TDRD5: variants seen among roughly 807,000 people sequenced by gnomAD.
The protein encoded by TDRD5 is tudor domain-containing protein 5.
TDRD5 carries 41 observed loss-of-function variants against 120.6 expected under a neutral mutation model. The ratio of observed to expected loss-of-function variants is 0.34; its 90% CI spans 0.26 to 0.44. TDRD5 has a LOEUF of 0.44. Ranked by LOEUF, TDRD5 falls within the 20% of genes least tolerant of loss-of-function variation. The pLI is 1.00. For missense variants in TDRD5, 1,006 were observed against 1,221.2 expected, an observed-to-expected ratio of 0.82 and a Z score of 2.63; for synonymous variants, 430 against 433.7, an observed-to-expected ratio of 0.99 and a Z score of 0.11.
chr1:179,656,391 T>C (rs1346713013), intron 14 of TDRD5, among the ~76,000 whole-genome samples: 2 of 152,250 alleles, frequency 1.3e-5, no homozygotes, highest in African/African-American at 4.8e-5. Context: ...TGTCTTTTCA[T>C]TCTCTTGATA....
intron 4 of TDRD5, among the ~76,000 whole-genome samples, chr1:179,610,801 C>T (rs767186556): frequency 1.6e-4 from 24 of 152,032 alleles, no homozygotes; most frequent in Non-Finnish European, 3.2e-4. Context: ...AGTCTCCTTT[C>T]AGACTTTTTT....
chr1:179,643,936 C>T (rs1678194891), intron 11 of TDRD5, among the ~76,000 whole-genome samples: 1 of 152,014 alleles, frequency 6.6e-6, no homozygotes, highest in Non-Finnish European at 1.5e-5. Flanking sequence ...GGAGAAAATC[C>T]TGAAAGCAGC....
rs114210371 is a variant in TDRD5 at position 179,627,041 on chromosome 1, T to A, written c.973-3726T>A. ...ATTTAAAGAAAAACAGCAAGTGACT[T>A]ATAAAGGAAACAAAAGTTAAATTAT... On this transcript the variant is annotated intron_variant, in intron 6 of 17. Transcript: ENST00000444136. Among the ~76,000 whole-genome samples the A allele has an allele frequency of 2.2e-3, 335 of 152,296 alleles. 6 individuals carry two copies. Among genetic ancestry groups the A allele is most frequent in the African/African-American group, 7.6e-3 (317 of 41,568 alleles).
At chr1:179,658,610 G>T (rs1211313804) in intron 14 of TDRD5, among the ~76,000 whole-genome samples, 5 of 152,086 alleles carry the variant, frequency 3.3e-5, no homozygotes, top group Admixed American at 1.3e-4. Context: ...TTTGTTATCT[G>T]CAGGGTCTGC....
chr1:179,651,122 A>G (rs1453936312), intron 12 of TDRD5, 55 bp downstream of exon 12: 21 of 1,562,290 alleles, frequency 1.3e-5, no homozygotes, highest in Middle Eastern at 1.7e-4. Context: ...CACCACGTCA[A>G]GGTATAAGAT....
intron 17 of TDRD5, among the ~76,000 whole-genome samples, chr1:179,681,981 TAA>T (rs1045901860): frequency 6.4e-4 from 2 of 3,116 alleles, no homozygotes; most frequent in African/African-American, 1.4e-3. Flanking sequence ...GACTCTGTCT[TAA>T]AAAAAAAAAA....
chr1:179,625,163 C>T (rs985739215), intron 6 of TDRD5, among the ~76,000 whole-genome samples: 2 of 150,518 alleles, frequency 1.3e-5, no homozygotes, highest in Admixed American at 6.6e-5. Context: ...AACCCCAACC[C>T]GACACCATGT....
intron 16 of TDRD5, among the ~76,000 whole-genome samples, chr1:179,666,309 C>G (rs1572419668): frequency 6.6e-6 from 1 of 152,266 alleles, no homozygotes; most frequent in South Asian, 2.1e-4. Flanking sequence ...GCTTTAAACT[C>G]CTGCAGAGTA....
chr1:179,627,006 T>A (rs1677165591), intron 6 of TDRD5, among the ~76,000 whole-genome samples: 1 of 152,052 alleles, frequency 6.6e-6, no homozygotes, highest in Non-Finnish European at 1.5e-5. Context: ...AGAAAAAAAT[T>A]TTTCTGGGCA....
chr1:179,598,674 GT>G (rs34491944), intron 4 of TDRD5, among the ~76,000 whole-genome samples: 20,988 of 143,582 alleles, frequency 0.15, 1,802 homozygotes, highest in Non-Finnish European at 0.21. Flanking sequence ...AAATCAATTG[GT>G]TTTTTTTTTT....
chr1:179,681,367 A>C (rs890353078), intron 17 of TDRD5, among the ~76,000 whole-genome samples: 3 of 152,174 alleles, frequency 2.0e-5, no homozygotes, highest in African/African-American at 7.2e-5. Context: ...CCTTTTAGCT[A>C]TTGTCGTTTT....
chr1:179,680,491 C>T (rs772670712), intron 17 of TDRD5, among the ~76,000 whole-genome samples: 2 of 152,166 alleles, frequency 1.3e-5, no homozygotes, highest in Non-Finnish European at 2.9e-5. Context: ...GTTATGCTCT[C>T]TGGATGAATC....
At chr1:179,654,868 A>C (rs1236846984) in intron 14 of TDRD5, among the ~76,000 whole-genome samples, 1 of 152,220 alleles carries the variant, frequency 6.6e-6, no homozygotes, top group African/African-American at 2.4e-5. Context: ...TCTGGCTTTG[A>C]TGTGTTAGTT....
intron 11 of TDRD5, among the ~76,000 whole-genome samples, chr1:179,641,192 T>C (rs1678025243): frequency 1.3e-5 from 2 of 152,206 alleles, no homozygotes; most frequent in African/African-American, 2.4e-5. Flanking sequence ...AACTTATCAG[T>C]TGCTCACATA....
chr1:179,646,775 T>C (rs2102046761), intron 11 of TDRD5, among the ~76,000 whole-genome samples: 1 of 152,204 alleles, frequency 6.6e-6, no homozygotes, highest in East Asian at 1.9e-4. Flanking sequence ...ACAAAATCAA[T>C]GTACAAAAAT....
chr1:179,611,252 A>C (rs1324430915), intron 4 of TDRD5, among the ~76,000 whole-genome samples: 1 of 151,920 alleles, frequency 6.6e-6, no homozygotes, highest in Non-Finnish European at 1.5e-5. Flanking sequence ...GGGTTTCATC[A>C]TGTTGGCCAG....
At chr1:179,619,214 T>C (rs980165845) in intron 5 of TDRD5, among the ~76,000 whole-genome samples, 2 of 152,196 alleles carry the variant, frequency 1.3e-5, no homozygotes, top group Non-Finnish European at 2.9e-5. Flanking sequence ...TTGAACAGAT[T>C]TATACTCCCA....
At chr1:179,651,284 A>G (rs1268329003) in intron 12 of TDRD5, among the ~76,000 whole-genome samples, 1 of 152,156 alleles carries the variant, frequency 6.6e-6, no homozygotes, top group Non-Finnish European at 1.5e-5. Context: ...GAATACTTCT[A>G]TTTTAAATAA....
At chr1:179,681,520 A>AT (rs1680420301) in intron 17 of TDRD5, among the ~76,000 whole-genome samples, 1 of 152,140 alleles carries the variant, frequency 6.6e-6, no homozygotes, top group Non-Finnish European at 1.5e-5. Flanking sequence ...TTAGTCACAT[A>AT]TTTTCCATTA....
Sources: gnomAD v4.1 joint callset for allele counts (sites outside exome capture counted in the v4.1 genomes callset) on GRCh38, gnomAD v4.1.1 for gene constraint, MANE v1.5 for transcripts, NCBI Gene and HGNC (gene_info 2026-07-23, HGNC 2026-07-21) for gene names.